The following DAAM2 variants were observed in gnomAD, a reference collection of about 807,000 sequenced individuals.
The protein encoded by DAAM2 is dishevelled associated activator of morphogenesis 2, also known as disheveled-associated activator of morphogenesis 2.
A neutral mutation model predicts 120.7 loss-of-function variants in DAAM2; 39 were observed. The ratio of observed to expected loss-of-function variants is 0.32; its 90% CI spans 0.25 to 0.42. The LOEUF is 0.42. Among genes scored for constraint, DAAM2 ranks in the 10% least tolerant of loss-of-function variants. DAAM2 has a pLI of 1.00. For synonymous variants in DAAM2, 488 were observed against 524.9 expected (o/e 0.93, Z 0.96); for missense variants, 1,283 against 1,401.7 (o/e 0.92, Z 1.35).
chr6:39,872,381 TAGG>T (rs1381383486), intron 9 of DAAM2, among the ~76,000 whole-genome samples: 2 of 152,152 alleles, frequency 1.3e-5, no homozygotes, highest in Non-Finnish European at 2.9e-5. Context: ...GGCATCGGCC[TAGG>T]AGGAGACTGA....
rs1483186386 is a variant in DAAM2 at position 39,879,043 on chromosome 6, A to G, written c.1546-135A>G. 4.1e-5 allele frequency: 26 copies of G among 631,612 alleles called. No individual in the cohort carries two copies. The Middle Eastern group carries it at 7.7e-4, about 19-fold the overall frequency. The allele number at this position is 631,612 out of a possible 1,614,324, so 39.1% of individuals were successfully genotyped here. A position where few individuals can be genotyped will look rare whatever the true frequency, so the allele number is the denominator to read the frequency against. The stretch of plus-strand genomic sequence containing the variant: ...GATGCAGAGAGAGAAAATGGGGCCA[A>G]ATGTGTGTAGAAGATAAGGGTAGGA... On this transcript the variant is annotated intron_variant, in intron 13 of 24. Coordinates refer to ENST00000274867, the MANE Select transcript of DAAM2 (RefSeq NM_001201427.2).
At chr6:39,813,017 C>T (rs1762207556) in intron 1 of DAAM2, among the ~76,000 whole-genome samples, 2 of 152,004 alleles carry the variant, frequency 1.3e-5, no homozygotes, top group South Asian at 4.2e-4. Flanking sequence ...ATTGGCTCTC[C>T]CTGACACCTC....
intron 14 of DAAM2, among the ~76,000 whole-genome samples, chr6:39,883,338 C>T (rs1468765825): frequency 6.6e-6 from 1 of 152,098 alleles, no homozygotes; most frequent in African/African-American, 2.4e-5. Context: ...CCTTCCCTGG[C>T]TCTGACCAAA....
At chr6:39,846,758 T>C (rs937105052) in intron 1 of DAAM2, among the ~76,000 whole-genome samples, 1 of 151,814 alleles carries the variant, frequency 6.6e-6, no homozygotes. Flanking sequence ...CACTTTATTA[T>C]ATTTATTTGT....
At chr6:39,870,583 G>C (rs557124617) in intron 8 of DAAM2, 140 bp downstream of exon 8, 237 of 647,708 alleles carry the variant, frequency 3.7e-4, no homozygotes, top group Admixed American at 1.3e-3. Context: ...TCAGCTCTGT[G>C]GGGGGAAGGG....
chr6:39,794,868 T>C (rs1761654400), intron 1 of DAAM2, among the ~76,000 whole-genome samples: 1 of 152,208 alleles, frequency 6.6e-6, no homozygotes. Flanking sequence ...TTCCATTATT[T>C]AAACATAGAA....
At chr6:39,826,824 T>C (rs1762690925) in intron 1 of DAAM2, among the ~76,000 whole-genome samples, 1 of 152,212 alleles carries the variant, frequency 6.6e-6, no homozygotes, top group Non-Finnish European at 1.5e-5. Context: ...TGTCTTGGAA[T>C]GACTGTCAGG....
intron 19 of DAAM2, 63 bp downstream of exon 19, chr6:39,891,785 G>A (rs961759860): frequency 2.9e-6 from 4 of 1,377,240 alleles, no homozygotes; most frequent in African/African-American, 1.4e-5. Flanking sequence ...AGGGTGGGTG[G>A]GAGCCAGTGA....
chr6:39,802,523 A>T (rs1482456336), intron 1 of DAAM2, among the ~76,000 whole-genome samples: 1 of 152,194 alleles, frequency 6.6e-6, no homozygotes, highest in Admixed American at 6.5e-5. Context: ...GAGGATGAAG[A>T]TGATGATGGT....
At chr6:39,793,591 T>C (rs1262344250) in intron 1 of DAAM2, among the ~76,000 whole-genome samples, 3 of 152,194 alleles carry the variant, frequency 2.0e-5, no homozygotes. Flanking sequence ...GCTTCCCATC[T>C]TTAAAAAGTT....
Position 39,901,853 on chromosome 6 carries a change from G to T in DAAM2, c.3023G>T (p.Arg1008Leu), listed in dbSNP as rs748063271. ...GAACGTGAGCGGTGGCAGCGGCAGC[G>T]GAAGGTCCTGGCTGCAGGCAGCTCG... ...QRERERWQRQ[R>L]KVLAAGSSLE... The change falls in exon 25 of 25, where the codon CGG (arginine) becomes CTG (leucine). Residue 1008 changes from arginine to leucine, a missense_variant. Arg to Leu is a moderately radical substitution (Grantham distance 102). Coordinates refer to ENST00000274867, the MANE Select transcript of DAAM2 (RefSeq NM_001201427.2). The surrounding 1 kb of genome is among the most constrained non-coding windows in gnomAD (Gnocchi z 4.5). 6.4e-7 allele frequency: 1 copy of T among 1,572,700 alleles called. No individual in the cohort carries two copies. Among genetic ancestry groups the T allele is most frequent in the Non-Finnish European group, 8.6e-7 (1 of 1,156,094 alleles).
Position 39,902,885 on chromosome 6 carries a change from G to A in DAAM2, c.*848G>A, listed in dbSNP as rs145041894. 1.3e-5 allele frequency: 2 copies of A among 152,404 alleles called. No individual in the cohort carries two copies. Among genetic ancestry groups the A allele is most frequent in the East Asian group, 1.9e-4 (1 of 5,180 alleles). The allele number at this position is 152,404 out of a possible 1,614,324, so 9.4% of individuals were successfully genotyped here. A position where few individuals can be genotyped will look rare whatever the true frequency, so the allele number is the denominator to read the frequency against. The stretch of plus-strand genomic sequence containing the variant: ...CTCATGCCTTTTGGGCATCTCCCAT[G>A]TCCCCATCTCCTGGACACCTGGCCA... On this transcript the variant is annotated 3_prime_UTR_variant, in exon 25 of 25. Coordinates refer to ENST00000274867, the MANE Select transcript of DAAM2 (RefSeq NM_001201427.2).
At chr6:39,850,214 C>T (rs371096846) in intron 1 of DAAM2, among the ~76,000 whole-genome samples, 1 of 152,326 alleles carries the variant, frequency 6.6e-6, no homozygotes, top group African/African-American at 2.4e-5. Context: ...ATGCTGTGCT[C>T]TTCCTTCTGT....
At chr6:39,817,038 A>T (rs1470627254) in intron 1 of DAAM2, among the ~76,000 whole-genome samples, 1 of 152,204 alleles carries the variant, frequency 6.6e-6, no homozygotes, top group Non-Finnish European at 1.5e-5. Context: ...CCCAGGTCAG[A>T]TTCCTCAGCA....
chr6:39,887,267 G>A (rs553805917), intron 15 of DAAM2: 10 of 482,822 alleles, frequency 2.1e-5, no homozygotes, highest in East Asian at 1.1e-4. Flanking sequence ...GGGGCTTCTC[G>A]GTGTCCTTCC....
chr6:39,904,831 T>TAATA lies in DAAM2; in HGVS notation c.*2795_*2798dup, dbSNP rs1236397332. 29 of 453,976 alleles carry TAATA rather than the reference T, an allele frequency of 6.4e-5. No individual in the cohort carries two copies. The highest frequency in any genetic ancestry group is 1.2e-4 in the Non-Finnish European group (27 of 226,802). The allele number at this position is 453,976 out of a possible 1,614,324, so 28.1% of individuals were successfully genotyped here. ...GCACCTTTTTTATAAGAATATATTG[T>TAATA]AATACTAAAAAATATTAAATTCATA... On this transcript the variant is annotated 3_prime_UTR_variant, in exon 25 of 25. Transcript: ENST00000274867.
intron 14 of DAAM2, 159 bp from the exon 15 acceptor site, chr6:39,883,803 T>A (rs1765246008): frequency 8.1e-6 from 5 of 616,078 alleles, no homozygotes; most frequent in Admixed American, 2.7e-5. Context: ...TTCAAGAGAG[T>A]TGGAGGTTGA....
intron 1 of DAAM2, among the ~76,000 whole-genome samples, chr6:39,803,251 T>C (rs1436292103): frequency 6.6e-6 from 1 of 151,846 alleles, no homozygotes; most frequent in Non-Finnish European, 1.5e-5. Context: ...CTTTAGGAGG[T>C]ATGGCCAAAG....
chr6:39,857,588 A>T (rs35015824), intron 2 of DAAM2, among the ~76,000 whole-genome samples: 16 of 152,080 alleles, frequency 1.1e-4, no homozygotes, highest in Non-Finnish European at 2.2e-4. Context: ...AGTGTTAGGG[A>T]TATTTTCTTG....
Sources: gnomAD v4.1 joint callset for allele counts (sites outside exome capture counted in the v4.1 genomes callset) on GRCh38, gnomAD v4.1.1 for gene constraint, Gnocchi (gnomAD v3.1) non-coding constraint, MANE v1.5 for transcripts, NCBI Gene and HGNC (gene_info 2026-07-23, HGNC 2026-07-21) for gene names.